The following TUSC3 variants were observed in gnomAD, a reference collection of about 807,000 sequenced individuals.
TUSC3 encodes dolichyl-diphosphooligosaccharide--protein glycosyltransferase subunit TUSC3.
Under a neutral mutation model 44.8 loss-of-function variants are expected in TUSC3, and 45 were observed. That is an observed-to-expected ratio of 1.00 (90% CI 0.79 to 1.29). TUSC3 has a LOEUF of 1.29. Ranked by LOEUF, TUSC3 falls within the 50% of genes most tolerant of loss-of-function variation. The pLI is 0.00. For missense variants in TUSC3, 519 were observed against 437.9 expected (o/e 1.19, Z -1.65); for synonymous variants, 212 against 152.9 (o/e 1.39, Z -2.85).
At chr8:15,743,785 T>C (rs1287327092) in intron 8 of TUSC3, among the ~76,000 whole-genome samples, 173 bp downstream of exon 8, 1 of 152,214 alleles carries the variant, frequency 6.6e-6, no homozygotes, top group East Asian at 1.9e-4. Context: ...CTTGAAAATA[T>C]ATTTCTTCCA....
At chr8:15,524,113 AT>A (rs555800236) in intron 2 of TUSC3, among the ~76,000 whole-genome samples, 89 of 151,520 alleles carry the variant, frequency 5.9e-4, no homozygotes, top group African/African-American at 2.1e-3. Context: ...ATTTAGATGC[AT>A]TTTTTTATAC....
At chr8:15,514,755 G>A (rs775193667) in intron 2 of TUSC3, among the ~76,000 whole-genome samples, 14 of 152,214 alleles carry the variant, frequency 9.2e-5, no homozygotes, top group Admixed American at 2.6e-4. Flanking sequence ...CACAGAAGAT[G>A]GTGCTCATGA....
chr8:15,808,067 A>T, the TUSC3 span, among the ~76,000 whole-genome samples: 1 of 152,192 alleles, frequency 6.6e-6, no homozygotes, highest in African/African-American at 2.4e-5. Flanking sequence ...ATTTTAAAGC[A>T]TCCTACATAT....
chr8:15,537,297 G>C (rs1398350321), upstream of TUSC3, among the ~76,000 whole-genome samples: 1 of 152,012 alleles, frequency 6.6e-6, no homozygotes, highest in Non-Finnish European at 1.5e-5. Flanking sequence ...TTTATCCATA[G>C]CCTGGAAGCT....
chr8:15,752,779 C>A (rs1283931300), intron 9 of TUSC3, among the ~76,000 whole-genome samples: 1 of 151,954 alleles, frequency 6.6e-6, no homozygotes, highest in Non-Finnish European at 1.5e-5. Context: ...AACATGAGGT[C>A]AAATGTATAA....
chr8:15,807,980 TCA>T, the TUSC3 span, among the ~76,000 whole-genome samples: 1 of 94,170 alleles, frequency 1.1e-5, no homozygotes. Context: ...TATAACCATG[TCA>T]CATACCTGTA....
intron 7 of TUSC3, among the ~76,000 whole-genome samples, chr8:15,742,621 T>C (rs1046848050): frequency 2.6e-5 from 4 of 152,220 alleles, no homozygotes; most frequent in Non-Finnish European, 2.9e-5. Context: ...AGGAGATTCA[T>C]TGATGCTGTT....
the TUSC3 span, among the ~76,000 whole-genome samples, chr8:15,825,000 T>A: frequency 0.6 from 91,661 of 152,004 alleles, 29,045 homozygotes; most frequent in Non-Finnish European, 0.73. Context: ...AACCTCTTTA[T>A]TGTTGATTCA....
intron 1 of TUSC3, among the ~76,000 whole-genome samples, chr8:15,444,312 A>G (rs1449864916): frequency 1.3e-5 from 2 of 152,208 alleles, no homozygotes; most frequent in Non-Finnish European, 2.9e-5. Flanking sequence ...TGATAGGTGT[A>G]GGGACTACTG....
intron 6 of TUSC3, among the ~76,000 whole-genome samples, chr8:15,726,738 G>T (rs563872007): frequency 1.3e-5 from 2 of 152,120 alleles, no homozygotes; most frequent in Admixed American, 6.6e-5. Context: ...CCCAGGAGGC[G>T]GAGGTTGCAG....
intron 1 of TUSC3, among the ~76,000 whole-genome samples, chr8:15,582,999 T>C (rs1369984514): frequency 6.6e-6 from 1 of 152,244 alleles, no homozygotes; most frequent in South Asian, 2.1e-4. Context: ...TCTGTACATT[T>C]TTATTTTGAT....
At chr8:15,565,415 T>C (rs542396783) in intron 1 of TUSC3, among the ~76,000 whole-genome samples, 3 of 152,256 alleles carry the variant, frequency 2.0e-5, no homozygotes, top group South Asian at 2.1e-4. Flanking sequence ...TTAACCTGTT[T>C]CTTGGAATTA....
At chr8:15,439,640 T>A (rs1246555849) in intron 1 of TUSC3, among the ~76,000 whole-genome samples, 1 of 152,244 alleles carries the variant, frequency 6.6e-6, no homozygotes, top group African/African-American at 2.4e-5. Context: ...CAAAGTTAGA[T>A]TCTTTTGTTT....
rs1040483788 is a variant in TUSC3 at position 15,596,358 on chromosome 8, C to G, written c.139-26722C>G. Among the ~76,000 whole-genome samples, 5 of 152,250 alleles carry G rather than the reference C, an allele frequency of 3.3e-5. No homozygotes were observed. In the East Asian group the frequency reaches 7.7e-4, roughly 23 times the overall value. Reference sequence around the variant, plus strand: ...GAGTAGTACAGTACATGGGTTTGAACTGCACACATCCACTTTTACACAGAA... The same window carrying G: ...GAGTAGTACAGTACATGGGTTTGAAGTGCACACATCCACTTTTACACAGAA... On this transcript the variant is annotated intron_variant, in intron 1 of 10. Coordinates refer to ENST00000503731, the MANE Select transcript of TUSC3 (RefSeq NM_006765.4).
At chr8:15,699,681 A>G (rs1375736819) in intron 6 of TUSC3, among the ~76,000 whole-genome samples, 1 of 152,232 alleles carries the variant, frequency 6.6e-6, no homozygotes, top group Non-Finnish European at 1.5e-5. Context: ...GAAGTTGTAT[A>G]ACAAGAGTGA....
chr8:15,523,109 T>C (rs1563273448), intron 2 of TUSC3, among the ~76,000 whole-genome samples: 1 of 152,186 alleles, frequency 6.6e-6, no homozygotes, highest in African/African-American at 2.4e-5. Context: ...ATAAAGCATC[T>C]GCCAGCATGA....
At chr8:15,731,000 A>G (rs1295666523) in intron 7 of TUSC3, among the ~76,000 whole-genome samples, 1 of 152,148 alleles carries the variant, frequency 6.6e-6, no homozygotes, top group African/African-American at 2.4e-5. Flanking sequence ...ATCTCTGGCT[A>G]GATTTTTTCA....
Position 15,623,594 on chromosome 8 carries a change from G to T in TUSC3, c.308+345G>T, listed in dbSNP as rs79960597. ...TCAATTTTTAATTTTTAATAGAGAG[G>T]ACTCACTTTTATCTAGTGTAGCCCA... On this transcript the variant is annotated intron_variant, in intron 2 of 10. Transcript: ENST00000503731. Among the ~76,000 whole-genome samples, 1,440 of 151,720 alleles carry T rather than the reference G, an allele frequency of 9.5e-3. 61 individuals carry two copies. In the East Asian group the frequency reaches 0.1, roughly 11 times the overall value.
intron 1 of TUSC3, among the ~76,000 whole-genome samples, chr8:15,622,239 C>A (rs1425668957): frequency 1.3e-5 from 2 of 152,202 alleles, no homozygotes; most frequent in East Asian, 3.9e-4. Flanking sequence ...TTGTTAACTT[C>A]TCAGGCTTGT....
Sources: allele counts gnomAD v4.1 joint callset (sites outside exome capture counted in the v4.1 genomes callset), GRCh38; gene constraint gnomAD v4.1.1; transcripts MANE v1.5; gene names NCBI Gene and HGNC (gene_info 2026-07-23, HGNC 2026-07-21).